The following ECE1 variants were observed in gnomAD, a reference collection of about 807,000 sequenced individuals.
ECE1 encodes the protein endothelin-converting enzyme 1.
A neutral mutation model predicts 98.6 loss-of-function variants in ECE1; 35 were observed. The ratio of observed to expected loss-of-function variants is 0.35; its 90% CI spans 0.27 to 0.47. The LOEUF (loss-of-function observed/expected upper bound fraction) is 0.47, where lower values mean the gene tolerates loss of function less well. ECE1 is among the 20% of genes least tolerant of loss of function. The pLI, the probability that ECE1 is intolerant of heterozygous loss-of-function variation, is 1.00. For synonymous variants in ECE1, 394 were observed against 407.1 expected (o/e 0.97, Z 0.39); for missense variants, 814 against 1,025.3 (o/e 0.79, Z 2.81).
intron 1 of ECE1, among the ~76,000 whole-genome samples, chr1:21,343,141 G>A (rs1639433864): frequency 6.6e-6 from 1 of 152,104 alleles, no homozygotes; most frequent in Non-Finnish European, 1.5e-5. Flanking sequence ...CTCCAGCTTG[G>A]AGAGAGCCCC....
chr1:21,230,426 G>A (rs2098180352), intron 14 of ECE1, among the ~76,000 whole-genome samples: 1 of 152,140 alleles, frequency 6.6e-6, no homozygotes, highest in Non-Finnish European at 1.5e-5. Context: ...ACCCAGGCTG[G>A]AGGGCAATTG....
chr1:21,302,893 G>A (rs1638517128), intron 1 of ECE1, among the ~76,000 whole-genome samples: 1 of 152,172 alleles, frequency 6.6e-6, no homozygotes, highest in Non-Finnish European at 1.5e-5. Flanking sequence ...TTGGCCCCTG[G>A]GCAGCAGCAG....
chr1:21,315,029 C>T (rs84853), intron 1 of ECE1, among the ~76,000 whole-genome samples: 80,678 of 152,006 alleles, frequency 0.53, 23,090 homozygotes, highest in African/African-American at 0.77. Flanking sequence ...TATGTATCCC[C>T]AGTAGAAAAC....
chr1:21,265,413 T>A (rs1400544539), intron 4 of ECE1, among the ~76,000 whole-genome samples: 2 of 152,148 alleles, frequency 1.3e-5, no homozygotes, highest in African/African-American at 4.8e-5. Flanking sequence ...GTGCTTGTAG[T>A]CCCAGCTACT....
At chr1:21,279,162 A>G (rs1205723214) in intron 3 of ECE1, 29 bp downstream of exon 3, 2 of 1,614,066 alleles carry the variant, frequency 1.2e-6, no homozygotes, top group East Asian at 4.5e-5. Context: ...GAGTGAGTCA[A>G]GCCCACCATG....
intron 3 of ECE1, among the ~76,000 whole-genome samples, chr1:21,274,330 G>C (rs1019007372): frequency 6.6e-6 from 1 of 152,194 alleles, no homozygotes; most frequent in Admixed American, 6.5e-5. Context: ...GCTGAGATCC[G>C]TTTCCCCACC....
intron 1 of ECE1, among the ~76,000 whole-genome samples, chr1:21,303,503 T>G (rs941224616): frequency 4.6e-5 from 7 of 152,204 alleles, no homozygotes; most frequent in Admixed American, 1.3e-4. Flanking sequence ...AGAGAGCACT[T>G]AGGACAGGAC....
chr1:21,299,604 T>C (rs1638441003), intron 1 of ECE1: 1 of 152,226 alleles, frequency 6.6e-6, no homozygotes, highest in Admixed American at 6.5e-5. Context: ...ATAGTATGTC[T>C]GTCAGGTTGC....
chr1:21,297,764 T>A (rs1476990796), intron 1 of ECE1, among the ~76,000 whole-genome samples: 2 of 152,064 alleles, frequency 1.3e-5, no homozygotes, highest in Non-Finnish European at 2.9e-5. Flanking sequence ...CTCGAACTCC[T>A]GACTTCAGAT....
At position 21,225,324 on chromosome 1, in the gene ECE1, C is replaced by G. The variant is rs367812436; in HGVS notation, c.1966G>C (p.Gly656Arg). 3 of 1,614,116 alleles carry G rather than the reference C, an allele frequency of 1.9e-6. No homozygotes were observed. The highest frequency in any genetic ancestry group is 2.5e-6 in the Non-Finnish European group (3 of 1,180,044). The change falls in exon 17 of 19, where the codon GGG (glycine) becomes CGG (arginine). Residue 656 changes from glycine to arginine, a missense_variant. By Grantham distance (125) the Gly-to-Arg change is moderately radical (BLOSUM62 -2). Around this residue, in one of 3 missense-constraint regions of ECE1, gnomAD observed 452 missense variants for 567.3 expected, o/e 0.80. Coordinates refer to ENST00000374893, the MANE Select transcript of ECE1 (RefSeq NM_001397.3). The surrounding 1 kb of genome is among the most constrained non-coding windows in gnomAD (Gnocchi z 5.3). ...GTGTGCCGCCCGTTCACCGGCTCCC[C>G]GTTCACGCTGTAGTTGCTGTACTGC... ...VEQYSNYSVN[G>R]EPVNGRHTLG... is the part of the protein sequence containing the mutation.
intron 3 of ECE1, among the ~76,000 whole-genome samples, chr1:21,275,248 G>C (rs1021043979): frequency 6.6e-6 from 1 of 152,050 alleles, no homozygotes; most frequent in Admixed American, 6.6e-5. Flanking sequence ...GGTTTTTGCT[G>C]TTATCACACA....
At chr1:21,344,654 G>C (rs970012337) in intron 1 of ECE1, among the ~76,000 whole-genome samples, 1 of 152,056 alleles carries the variant, frequency 6.6e-6, no homozygotes, top group Non-Finnish European at 1.5e-5. Context: ...CCCCTCCCCA[G>C]TTCCCTTTCT....
intron 4 of ECE1, among the ~76,000 whole-genome samples, chr1:21,265,227 C>T (rs1232602680): frequency 6.6e-6 from 1 of 152,252 alleles, no homozygotes; most frequent in Admixed American, 6.5e-5. Flanking sequence ...GCACTCTAGC[C>T]TGCGGGAGGT....
chr1:21,239,947 G>C lies in ECE1; in HGVS notation c.1279-1703C>G, dbSNP rs566133839. 8.5e-5 allele frequency among the ~76,000 whole-genome samples: 13 copies of C among 152,172 alleles called. No individual in the cohort carries two copies. The South Asian group carries it at 1.5e-3, about 17-fold the overall frequency. ...GCACTTCGGGAGGCCGAGGCAAGTG[G>C]ATCACTTGAGGTCAGGAGTTCAAGA... On this transcript the variant is annotated intron_variant, in intron 10 of 18. Transcript: ENST00000374893.
intron 9 of ECE1, among the ~76,000 whole-genome samples, chr1:21,246,505 AAAAAAAAAAG>A (rs1373500515): frequency 2.0e-5 from 3 of 151,564 alleles, no homozygotes; most frequent in African/African-American, 7.3e-5. Context: ...TCTCAAAAAA[AAAAAAAAAAG>A]AAAAGAAAAG....
chr1:21,292,214 T>C (rs965240844), upstream of ECE1, among the ~76,000 whole-genome samples: 9 of 152,034 alleles, frequency 5.9e-5, no homozygotes, highest in Non-Finnish European at 1.3e-4. Flanking sequence ...TTAAAAACCC[T>C]CCACTGTCCT....
At chr1:21,312,820 G>A (rs1638757110) in intron 1 of ECE1, among the ~76,000 whole-genome samples, 1 of 151,836 alleles carries the variant, frequency 6.6e-6, no homozygotes, top group Non-Finnish European at 1.5e-5. Flanking sequence ...CTGTGCCTTG[G>A]TTTATCATTA....
At chr1:21,250,056 G>C (rs1341988165) in intron 8 of ECE1, among the ~76,000 whole-genome samples, 1 of 151,796 alleles carries the variant, frequency 6.6e-6, no homozygotes, top group African/African-American at 2.4e-5. Context: ...GGGGATTACA[G>C]GCATAAGCCA....
chr1:21,276,665 G>T (rs551600010), intron 3 of ECE1, among the ~76,000 whole-genome samples: 1 of 151,082 alleles, frequency 6.6e-6, no homozygotes, highest in African/African-American at 2.4e-5. Context: ...CTGGCCTTCA[G>T]AATCATCAGA....
Sources: gnomAD v4.1 joint callset for allele counts (sites outside exome capture counted in the v4.1 genomes callset) on GRCh38, gnomAD v4.1.1 for gene constraint, gnomAD v4.1.1 regional missense constraint, Gnocchi (gnomAD v3.1) non-coding constraint, MANE v1.5 for transcripts, NCBI Gene and HGNC (gene_info 2026-07-23, HGNC 2026-07-21) for gene names.